Variants in VMP1 observed in about 807,000 individuals in gnomAD.
The protein encoded by VMP1 is ectopic P-granules autophagy protein 3 homolog.
Under a neutral mutation model 56.0 loss-of-function variants are expected in VMP1, and 11 were observed. The ratio of observed to expected loss-of-function variants is 0.20; its 90% CI spans 0.12 to 0.32. The LOEUF (loss-of-function observed/expected upper bound fraction) is 0.32. Ranked by LOEUF, VMP1 falls within the 10% of genes least tolerant of loss-of-function variation. VMP1 has a pLI of 1.00. For missense variants in VMP1, 296 were observed against 490.3 expected (o/e 0.60, Z 3.74); for synonymous variants, 149 against 165.0 (o/e 0.90, Z 0.74).
At chr17:59,792,312 A>G (rs1050713460) in intron 7 of VMP1, among the ~76,000 whole-genome samples, 3 of 152,102 alleles carry the variant, frequency 2.0e-5, no homozygotes, top group Non-Finnish European at 4.4e-5. Context: ...TCAGAAAAGA[A>G]TGTCACTGTT....
intron 8 of VMP1, among the ~76,000 whole-genome samples, chr17:59,810,066 G>T (rs2038003530): frequency 2.0e-5 from 3 of 152,148 alleles, no homozygotes; most frequent in African/African-American, 7.2e-5. Flanking sequence ...TCAAGTATTA[G>T]TTACAAGGAA....
chr17:59,833,149 T>C (rs538745590), intron 10 of VMP1, among the ~76,000 whole-genome samples: 1 of 152,212 alleles, frequency 6.6e-6, no homozygotes, highest in Non-Finnish European at 1.5e-5. Context: ...AGTGTCAGAA[T>C]GGACTCTTGC....
At chr17:59,754,524 G>C (rs2035765654) in intron 5 of VMP1, among the ~76,000 whole-genome samples, 1 of 152,040 alleles carries the variant, frequency 6.6e-6, no homozygotes, top group Non-Finnish European at 1.5e-5. Flanking sequence ...AATTCAGCTT[G>C]ACTTCTGACT....
chr17:59,724,855 A>G (rs1165179017), intron 1 of VMP1, among the ~76,000 whole-genome samples: 1 of 151,766 alleles, frequency 6.6e-6, no homozygotes, highest in Non-Finnish European at 1.5e-5. Flanking sequence ...AGTCCCAGCT[A>G]CTCGGGAGGC....
At chr17:59,715,703 C>T (rs935463919) in intron 1 of VMP1, among the ~76,000 whole-genome samples, 2 of 152,036 alleles carry the variant, frequency 1.3e-5, no homozygotes, top group Non-Finnish European at 2.9e-5. Context: ...TTCTTTATTT[C>T]GTTTTAGATT....
At chr17:59,775,175 A>T (rs1036773935) in intron 7 of VMP1, among the ~76,000 whole-genome samples, 1 of 151,530 alleles carries the variant, frequency 6.6e-6, no homozygotes, top group Non-Finnish European at 1.5e-5. Flanking sequence ...TGATCTCCTG[A>T]CCTCGCAATC....
chr17:59,714,323 CCCATTAAT>C (rs2034064717), intron 1 of VMP1, among the ~76,000 whole-genome samples: 1 of 151,966 alleles, frequency 6.6e-6, no homozygotes, highest in African/African-American at 2.4e-5. Flanking sequence ...CCCATGATAA[CCCATTAAT>C]CCATTAACCC....
chr17:59,833,467 A>G (rs888786665), intron 10 of VMP1, among the ~76,000 whole-genome samples: 8 of 152,138 alleles, frequency 5.3e-5, no homozygotes, highest in Admixed American at 4.6e-4. Context: ...CCACCTGGGC[A>G]ACATAGTGAG....
At position 59,726,541 on chromosome 17, in the gene VMP1, G is replaced by A. The variant is rs551522467; in HGVS notation, c.-26-4880G>A. On this transcript the variant is annotated intron_variant, in intron 1 of 11. Coordinates refer to ENST00000262291, the MANE Select transcript of VMP1 (RefSeq NM_030938.5). ...ACTCCTGACCTCGGGTGATCTGCCC[G>A]CCTCAGCCTCCCAAAGTGCTGGGAT... Among the ~76,000 whole-genome samples the A allele has an allele frequency of 1.4e-3, 211 of 152,206 alleles. 1 individual carries two copies. The highest frequency in any genetic ancestry group is 3.4e-3 in the Middle Eastern group (1 of 292).
chr17:59,716,216 T>G (rs2034146934), intron 1 of VMP1, among the ~76,000 whole-genome samples: 1 of 152,196 alleles, frequency 6.6e-6, no homozygotes, highest in Non-Finnish European at 1.5e-5. Flanking sequence ...TCGGTAGTTC[T>G]TCTACTTTAG....
intron 7 of VMP1, among the ~76,000 whole-genome samples, chr17:59,779,557 C>A (rs994989423): frequency 1.3e-5 from 2 of 152,118 alleles, no homozygotes; most frequent in African/African-American, 4.8e-5. Context: ...TTTGTCCTGT[C>A]CTCATTTATT....
chr17:59,708,873 T>C (rs932322014), intron 1 of VMP1, among the ~76,000 whole-genome samples: 8 of 152,186 alleles, frequency 5.3e-5, no homozygotes, highest in Non-Finnish European at 8.8e-5. Context: ...ATGTGACTGA[T>C]TTGTGTAGGT....
chr17:59,772,231 T>G (rs1208376929), intron 6 of VMP1, among the ~76,000 whole-genome samples: 5 of 151,794 alleles, frequency 3.3e-5, no homozygotes, highest in African/African-American at 9.7e-5. Context: ...GCTCAGGCAG[T>G]TCACCCACCT....
At chr17:59,785,604 C>T (rs7222636) in intron 7 of VMP1, among the ~76,000 whole-genome samples, 184 of 150,658 alleles carry the variant, frequency 1.2e-3, no homozygotes, top group Non-Finnish European at 2.2e-3. Flanking sequence ...GAACGAGAAT[C>T]GCTTGAACCC....
chr17:59,752,184 C>T (rs1361454037), intron 5 of VMP1, among the ~76,000 whole-genome samples: 1 of 152,232 alleles, frequency 6.6e-6, no homozygotes, highest in Non-Finnish European at 1.5e-5. Flanking sequence ...TGTGCAACTA[C>T]TCAGATCTGT....
chr17:59,781,929 G>GACAGAGTCTCGCTCTGT (rs1282275843), intron 7 of VMP1, among the ~76,000 whole-genome samples: 1 of 151,772 alleles, frequency 6.6e-6, no homozygotes, highest in Non-Finnish European at 1.5e-5. Context: ...ACTTTTTTTA[G>GACAGAGTCTCGCTCTGT]ACAGAGTCTC....
chr17:59,731,286 G>GA (rs560708071), intron 1 of VMP1, 135 bp from the exon 2 acceptor site: 2 of 444,240 alleles, frequency 4.5e-6, no homozygotes, highest in Non-Finnish European at 3.9e-6. Context: ...GGTTATAAAA[G>GA]AAAAAAAGTG....
intron 10 of VMP1, among the ~76,000 whole-genome samples, chr17:59,834,215 C>T (rs2038905821): frequency 6.6e-6 from 1 of 152,102 alleles, no homozygotes; most frequent in African/African-American, 2.4e-5. Context: ...CCTTAGCCTC[C>T]CAAAATGCTG....
intron 2 of VMP1, among the ~76,000 whole-genome samples, chr17:59,733,797 T>C (rs1259599347): frequency 6.6e-6 from 1 of 152,214 alleles, no homozygotes; most frequent in African/African-American, 2.4e-5. Flanking sequence ...TGTTAAACTC[T>C]TCTGAGAACT....
Sources: gnomAD v4.1 joint callset for allele counts (sites outside exome capture counted in the v4.1 genomes callset) on GRCh38, gnomAD v4.1.1 for gene constraint, MANE v1.5 for transcripts, NCBI Gene and HGNC (gene_info 2026-07-23, HGNC 2026-07-21) for gene names.